The following SLC12A5 variants were observed in gnomAD, a reference collection of about 807,000 sequenced individuals.
SLC12A5 encodes K-Cl cotransporter 2.
In SLC12A5, 18 loss-of-function variants were observed where a neutral mutation model predicts 124.0. The observed-to-expected ratio is 0.15, with a 90% CI of 0.10 to 0.22. The LOEUF is 0.22. SLC12A5 is among the 10% of genes least tolerant of loss of function. The pLI is 1.00. For missense variants in SLC12A5, 867 were observed against 1,478.7 expected, an observed-to-expected ratio of 0.59 and a Z score of 6.78; for synonymous variants, 589 against 568.0, an observed-to-expected ratio of 1.04 and a Z score of -0.53.
chr20:46,032,103 C>T (rs1161842870), intron 1 of SLC12A5, among the ~76,000 whole-genome samples: 1 of 152,228 alleles, frequency 6.6e-6, no homozygotes, highest in African/African-American at 2.4e-5. Flanking sequence ...TCTCCTGGCC[C>T]GGATCCGGCC....
In SLC12A5 at chr20:46,034,997, A is replaced by G; in HGVS notation, c.102A>G (p.Thr34=). 6.2e-7 allele frequency: 1 copy of G among 1,614,030 alleles called. No homozygotes were observed. Among genetic ancestry groups the G allele is most frequent in the Non-Finnish European group, 8.5e-7 (1 of 1,179,960 alleles). ...ESSPFINSTD[T]EKGKEYDGKN... ...GTCCCTTCATCAACAGCACCGACAC[A>G]GAGAAGGGAAAGGAGTATGATGGCA... The change falls in exon 2 of 26, where the codon ACA becomes ACG. Residue 34 remains threonine, a synonymous_variant. Coordinates refer to ENST00000243964, the MANE Select transcript of SLC12A5 (RefSeq NM_020708.5).
At position 46,056,205 on chromosome 20, in the gene SLC12A5, A is replaced by T. The variant is rs750810382; in HGVS notation, c.2843A>T (p.Asn948Ile). The T allele has an allele frequency of 1.2e-6, 2 of 1,614,190 alleles. No individual in the cohort carries two copies. Among genetic ancestry groups the T allele is most frequent in the South Asian group, 2.2e-5 (2 of 91,088 alleles). ...RGSIRRKNPA[N>I]TRLRLNVPEE... ...TCAATCCGGAGAAAGAATCCAGCCA[A>T]CACGCGGCTCCGCCTGAACGTCCCA... Residue 948 changes from asparagine to isoleucine, a missense_variant, in exon 22 of 26, where the codon AAC (asparagine) becomes ATC (isoleucine). Physicochemically the swap from Asn to Ile is moderately radical, Grantham distance 149 (BLOSUM62 -3). Transcript: ENST00000243964. The surrounding 1 kb of genome is among the most constrained non-coding windows in gnomAD (Gnocchi z 4.3).
chr20:46,022,103 C>G, intron 1 of SLC12A5: 7 of 189,452 alleles, frequency 3.7e-5, no homozygotes, highest in South Asian at 3.1e-4. Flanking sequence ...GCGAGGTGGG[C>G]GTGGCCACGA....
rs940424373 is a variant in SLC12A5, at chr20:46,045,646, C to G, written c.1570-232C>G. Among the ~76,000 whole-genome samples the G allele has an allele frequency of 1.3e-5, 2 of 152,200 alleles. No individual in the cohort carries two copies. Among genetic ancestry groups the G allele is most frequent in the Non-Finnish European group, 2.9e-5 (2 of 68,020 alleles). On this transcript the variant is annotated intron_variant, in intron 12 of 25. Coordinates refer to ENST00000243964, the MANE Select transcript of SLC12A5 (RefSeq NM_020708.5). The surrounding 1 kb of genome is among the most constrained non-coding windows in gnomAD (Gnocchi z 4.9). ...CTGGTCCTCTGCAGCTGCTTTCCCC[C>G]TCTAGGGATCATTTGAACTTCATGG...
At chr20:46,044,785 T>G in intron 11 of SLC12A5, 181 bp from the exon 12 acceptor site, 1 of 681,882 alleles carries the variant, frequency 1.5e-6, no homozygotes, top group Non-Finnish European at 2.4e-6. Context: ...TATCAGGAAA[T>G]TAGAGAATTA....
Position 46,029,381 on chromosome 20 carries a change from G to C in SLC12A5, c.37G>C (p.Gly13Arg). The change falls in exon 1 of 26, where the codon GGG (glycine) becomes CGG (arginine). Residue 13 changes from glycine to arginine, a missense_variant. Physicochemically the swap from Gly to Arg is moderately radical, Grantham distance 125 (BLOSUM62 -2). Transcript: ENST00000243964. ...CCTGACGGACTGCGAGGACGGCGAT[G>C]GGGGAGCCAACCCGGGTAAGCTGTG... ...NNLTDCEDGD[G>R]GANPGDGNPK... 6.5e-7 allele frequency: 1 copy of C among 1,549,634 alleles called. No individual in the cohort carries two copies. Among genetic ancestry groups the C allele is most frequent in the Non-Finnish European group, 8.7e-7 (1 of 1,146,524 alleles).
In SLC12A5 at chr20:46,051,791, G is replaced by A; in HGVS notation, c.2298G>A (p.Leu766=). 1 of 1,607,432 alleles carries A rather than the reference G, an allele frequency of 6.2e-7. No individual in the cohort carries two copies. Among genetic ancestry groups the A allele is most frequent in the East Asian group, 2.3e-5 (1 of 44,154 alleles). The part of the protein sequence containing the change: ...HLIQSGGLGG[L]QHNTVLVGWP... ...TCCAGTCCGGGGGCCTCGGGGGGCT[G>A]CAGCACAACACTGTGCTTGTTGGCT... The change falls in exon 18 of 26, where the codon CTG becomes CTA. Residue 766 remains leucine (L), a synonymous_variant. Transcript: ENST00000243964.
In SLC12A5 at chr20:46,058,226, C is replaced by A; in HGVS notation, c.*621C>A. ...TCGAGCTCTCCCGCTGGGGGCACTG[C>A]GGGGAGGCGAGGCCTCGGGAAGCTG... On this transcript the variant is annotated 3_prime_UTR_variant, in exon 26 of 26. Transcript: ENST00000243964. This position sits in a 1 kb window ranked among gnomAD's most constrained non-coding sequence, Gnocchi z 5.8. The A allele has an allele frequency of 2.7e-6, 1 of 373,718 alleles. No individual in the cohort carries two copies. Among genetic ancestry groups the A allele is most frequent in the Non-Finnish European group, 4.8e-6 (1 of 210,494 alleles). The allele number at this position is 373,718 out of a possible 1,614,324, so 23.2% of individuals were successfully genotyped here. A position where few individuals can be genotyped will look rare whatever the true frequency, so the allele number is the denominator to read the frequency against.
intron 1 of SLC12A5, among the ~76,000 whole-genome samples, chr20:46,033,835 G>T (rs1422896480): frequency 6.6e-6 from 1 of 152,128 alleles, no homozygotes; most frequent in Non-Finnish European, 1.5e-5. Flanking sequence ...ACATTGCTCT[G>T]GTCAGGCACA....
At chr20:46,048,138 G>A in intron 16 of SLC12A5, 53 bp downstream of exon 16, 1 of 1,492,746 alleles carries the variant, frequency 6.7e-7, no homozygotes, top group Non-Finnish European at 9.2e-7. Context: ...TGAGTGCAAG[G>A]CTCAGGAGAC....
chr20:46,029,276 G>A lies in SLC12A5; in HGVS notation c.-69G>A. 1 of 1,507,042 alleles carries A rather than the reference G, an allele frequency of 6.6e-7. No homozygotes were observed. The highest frequency in any genetic ancestry group is 8.9e-7 in the Non-Finnish European group (1 of 1,128,304). 93.4% of individuals were successfully genotyped at this position (1,507,042 alleles called of 1,614,324 possible). ...CAGAGCTACAGCGAACGAGAGAGCG[G>A]CGAAGGCGGGTAGAGGGGCGCGGGC... On this transcript the variant is annotated 5_prime_UTR_variant, in exon 1 of 26. Coordinates refer to ENST00000243964, the MANE Select transcript of SLC12A5 (RefSeq NM_020708.5).
Position 46,043,191 on chromosome 20 carries a change from G to A in SLC12A5, c.1105G>A (p.Val369Met). ...WSSYLTKGVI[V>M]ERSGMTSVGL... ...CTCCTACCTGACCAAGGGCGTGATTGTGGAGAGGAGTGGGATGACCTCGGT... is the reference window on the plus strand; with the variant it reads ...CTCCTACCTGACCAAGGGCGTGATTATGGAGAGGAGTGGGATGACCTCGGT... The change falls in exon 9 of 26, where the codon GTG (valine) becomes ATG (methionine). Residue 369 changes from valine to methionine, a missense_variant. Val to Met is a conservative substitution (Grantham distance 21). Coordinates refer to ENST00000243964, the MANE Select transcript of SLC12A5 (RefSeq NM_020708.5). 1 of 1,613,934 alleles carries A rather than the reference G, an allele frequency of 6.2e-7. No individual in the cohort carries two copies.
downstream of SLC12A5, among the ~76,000 whole-genome samples, chr20:46,023,983 G>A (rs549275488): frequency 1.3e-5 from 2 of 152,086 alleles, no homozygotes; most frequent in African/African-American, 4.8e-5. Context: ...GGAATAAGAC[G>A]GCCCTCTCTC....
intron 2 of SLC12A5, chr20:46,023,322 G>A: frequency 2.5e-6 from 1 of 398,572 alleles, no homozygotes; most frequent in Non-Finnish European, 4.4e-6. Flanking sequence ...AGATTTGAAA[G>A]TAAGAAATTC....
Position 46,057,638 on chromosome 20 carries a change from C to T in SLC12A5, c.*33C>T. On this transcript the variant is annotated 3_prime_UTR_variant, in exon 26 of 26. Transcript: ENST00000243964. The surrounding 1 kb of genome is among the most constrained non-coding windows in gnomAD (Gnocchi z 7.1). The stretch of plus-strand genomic sequence containing the variant: ...GACCTGCCACCCGGGCCCGAGCGCG[C>T]CCGGCCCGCGGCTCCGGAGCCCTCG... The T allele has an allele frequency of 6.4e-7, 1 of 1,567,714 alleles. No individual in the cohort carries two copies. Among genetic ancestry groups the T allele is most frequent in the East Asian group, 2.3e-5 (1 of 44,262 alleles).
chr20:46,026,472 TGAACCTCACCACAGAGAGTTGGCTG>T (rs542512996), upstream of SLC12A5, among the ~76,000 whole-genome samples: 57 of 152,368 alleles, frequency 3.7e-4, no homozygotes, highest in African/African-American at 1.3e-3. Flanking sequence ...GTGTTTTCTC[TGAACCTCACCACAGAGAGTTGGCTG>T]GAGGCCAGAA....
upstream of SLC12A5, chr20:46,029,035 C>G: frequency 2.1e-6 from 2 of 935,902 alleles, no homozygotes; most frequent in Non-Finnish European, 2.8e-6. Context: ...GGCCACTAGT[C>G]GGGCTCTGCC....
intron 16 of SLC12A5, 44 bp from the exon 17 acceptor site, chr20:46,049,578 T>A (rs773487236): frequency 1.3e-6 from 2 of 1,567,252 alleles, no homozygotes; most frequent in South Asian, 1.2e-5. Context: ...TGTGGATGGT[T>A]GGTTACATGG....
intron 1 of SLC12A5, chr20:46,022,788 G>C (rs2145465116): frequency 2.5e-6 from 1 of 398,934 alleles, no homozygotes; most frequent in Middle Eastern, 6.3e-4. Flanking sequence ...TATAGGGGAG[G>C]GGAAAGATCC....
Sources: allele counts gnomAD v4.1 joint callset (sites outside exome capture counted in the v4.1 genomes callset), GRCh38; gene constraint gnomAD v4.1.1; non-coding constraint Gnocchi (gnomAD v3.1); transcripts MANE v1.5; gene names NCBI Gene and HGNC (gene_info 2026-07-23, HGNC 2026-07-21).